PPM1F: variants seen among roughly 807,000 people sequenced by gnomAD.
PPM1F encodes the protein protein phosphatase, Mg2+/Mn2+ dependent 1F.
Under a neutral mutation model 35.5 loss-of-function variants are expected in PPM1F, and 17 were observed. The observed-to-expected ratio is 0.48, with a 90% CI of 0.33 to 0.72. PPM1F has a LOEUF of 0.72. Among genes scored for constraint, PPM1F ranks in the 30% least tolerant of loss-of-function variants. The probability of loss-of-function intolerance (pLI) is 0.02; values close to 1 mark genes in which losing one functional copy is unlikely to be tolerated. For synonymous variants in PPM1F, 241 were observed against 255.5 expected (o/e 0.94, Z 0.54); for missense variants, 521 against 613.0 (o/e 0.85, Z 1.59).
intron 4 of PPM1F, 35 bp downstream of exon 4, chr22:21,933,989 G>T (rs750604787): frequency 1.3e-6 from 2 of 1,515,162 alleles, no homozygotes; most frequent in African/African-American, 1.4e-5. Context: ...CCGGTCCTCC[G>T]AAGCTGTCCC....
Position 21,922,931 on chromosome 22 carries a change from G to T in PPM1F, c.*161C>A. 1 of 909,136 alleles carries T rather than the reference G, an allele frequency of 1.1e-6. No individual in the cohort carries two copies. The highest frequency in any genetic ancestry group is 1.7e-6 in the Non-Finnish European group (1 of 602,286). 56.3% of individuals were successfully genotyped at this position (909,136 alleles called of 1,614,324 possible). A position where few individuals can be genotyped will look rare whatever the true frequency, so the allele number is the denominator to read the frequency against. On this transcript the variant is annotated 3_prime_UTR_variant, in exon 8 of 8. Transcript: ENST00000263212. ...ACCCAGTGCAGTTCCACAGCCACCAGGACGGGCTGCGGGGGGTGTCCCGAC... is the reference window on the plus strand; with the variant it reads ...ACCCAGTGCAGTTCCACAGCCACCATGACGGGCTGCGGGGGGTGTCCCGAC...
intron 3 of PPM1F, chr22:21,935,407 A>T (rs1228080763): frequency 6.6e-6 from 1 of 152,160 alleles, no homozygotes; most frequent in Non-Finnish European, 1.5e-5. Flanking sequence ...CTGGTGATGG[A>T]ACTGCTCTGT....
intron 6 of PPM1F, among the ~76,000 whole-genome samples, chr22:21,927,942 G>GTTTTGTTT (rs2070537227): frequency 1.3e-5 from 1 of 75,144 alleles, no homozygotes; most frequent in African/African-American, 5.5e-5. Context: ...TTTTTGTTTT[G>GTTTTGTTT]TTTTTTTTTT....
In PPM1F at chr22:21,933,474, C is replaced by G. The variant is rs2070618020; in HGVS notation, c.664G>C (p.Glu222Gln). The G allele has an allele frequency of 1.2e-6, 2 of 1,613,674 alleles. No individual in the cohort carries two copies. The highest frequency in any genetic ancestry group is 1.7e-6 in the Non-Finnish European group (2 of 1,180,004). ...HVHTNAARQP[E>Q]LPTDPEGALR... ...GCTCCCTCAGGGTCTGTGGGCAGCTCTGGCTGGCGGGCAGCGTTGGTGTGC... is the reference window on the plus strand; with the variant it reads ...GCTCCCTCAGGGTCTGTGGGCAGCTGTGGCTGGCGGGCAGCGTTGGTGTGC... Residue 222 changes from glutamate to glutamine, a missense_variant, in exon 5 of 8, where the codon GAG becomes CAG. Glu to Gln is a conservative substitution (Grantham distance 29). Around this residue, in one of 3 missense-constraint regions of PPM1F, gnomAD observed 311 missense variants for 351.5 expected, o/e 0.88. Transcript: ENST00000263212.
intron 6 of PPM1F, among the ~76,000 whole-genome samples, chr22:21,926,517 C>T (rs1406133037): frequency 6.6e-6 from 1 of 152,052 alleles, no homozygotes; most frequent in Non-Finnish European, 1.5e-5. Context: ...CTGGGTTCCT[C>T]CAGGGACAGG....
At chr22:21,949,899 G>A (rs535674452) in intron 1 of PPM1F, 106 of 152,408 alleles carry the variant, frequency 7.0e-4, no homozygotes, top group African/African-American at 2.4e-3. Context: ...CAAACTCATC[G>A]GGGGGCAGCT....
chr22:21,927,751 C>T (rs1018315582), intron 6 of PPM1F, among the ~76,000 whole-genome samples: 32 of 152,156 alleles, frequency 2.1e-4, no homozygotes, highest in African/African-American at 7.5e-4. Flanking sequence ...CAGGCTGCGC[C>T]GGCTCCCCGG....
chr22:21,938,607 A>C, intron 3 of PPM1F: 1 of 1,028,478 alleles, frequency 9.7e-7, no homozygotes, highest in Admixed American at 5.2e-5. Context: ...TGGCAAAGGA[A>C]GGGAAAGGAA....
Position 21,921,932 on chromosome 22 carries a change from A to G in PPM1F, c.*1160T>C, listed in dbSNP as rs1203364785. 1.3e-5 allele frequency: 2 copies of G among 152,338 alleles called. No individual in the cohort carries two copies. The highest frequency in any genetic ancestry group is 3.9e-4 in the East Asian group (2 of 5,178). 9.4% of individuals were successfully genotyped at this position (152,338 alleles called of 1,614,324 possible). On this transcript the variant is annotated 3_prime_UTR_variant, in exon 8 of 8. Transcript: ENST00000263212. ...CAGAGCCCCGCTGTCGGGCCCAGGCACCACTACGTGGCAGTCGCAGCTCCT... is the reference window on the plus strand; with the variant it reads ...CAGAGCCCCGCTGTCGGGCCCAGGCGCCACTACGTGGCAGTCGCAGCTCCT...
Position 21,933,437 on chromosome 22 carries a change from G to T in PPM1F, c.701C>A (p.Ala234Asp). 1 of 1,612,992 alleles carries T rather than the reference G, an allele frequency of 6.2e-7. No homozygotes were observed. Among genetic ancestry groups the T allele is most frequent in the Non-Finnish European group, 8.5e-7 (1 of 1,179,918 alleles). The change falls in exon 5 of 8, where the codon GCC (alanine) becomes GAC (aspartate). Residue 234 changes from alanine to aspartate, a missense_variant. Physicochemically the swap from Ala to Asp is moderately radical, Grantham distance 126. This residue lies in a region of PPM1F where 311 missense variants were observed against 351.5 expected (regional missense o/e 0.88). Coordinates refer to ENST00000263212, the MANE Select transcript of PPM1F (RefSeq NM_014634.4). The part of the protein sequence containing the change: ...PTDPEGALRE[A>D]FRRTDQMFLR... ...AAACATCTGGTCGGTGCGCCGGAAGGCTTCTCTGAGGGCTCCCTCAGGGTC... is the reference window on the plus strand; with the variant it reads ...AAACATCTGGTCGGTGCGCCGGAAGTCTTCTCTGAGGGCTCCCTCAGGGTC...
intron 7 of PPM1F, 196 bp downstream of exon 7, chr22:21,925,373 C>T (rs1948333312): frequency 5.4e-6 from 3 of 557,962 alleles, no homozygotes; most frequent in South Asian, 2.4e-5. Context: ...GTGTAACTTA[C>T]ACTCAGACAC....
chr22:21,925,631 C>A lies in PPM1F; in HGVS notation c.923G>T (p.Gly308Val). ...DEKARIEALG[G>V]FVSHMDCWRV... ...CCAGCAGTCCATGTGAGACACAAAG[C>A]CACCCAATGCTTCAATGCGCGCCTT... The change falls in exon 7 of 8, where the codon GGC becomes GTC. Residue 308 changes from glycine to valine, a missense_variant. By Grantham distance (109) the Gly-to-Val change is moderately radical. Coordinates refer to ENST00000263212, the MANE Select transcript of PPM1F (RefSeq NM_014634.4). 1 of 1,602,054 alleles carries A rather than the reference C, an allele frequency of 6.2e-7. No homozygotes were observed. Among genetic ancestry groups the A allele is most frequent in the Admixed American group, 1.7e-5 (1 of 58,976 alleles).
rs745443715 is a variant in PPM1F at position 21,923,342 on chromosome 22, A to G, written c.1115T>C (p.Val372Ala). Residue 372 changes from valine (V) to alanine (A), a missense_variant, in exon 8 of 8, where the codon GTT (valine) becomes GCT (alanine). By Grantham distance (64) the Val-to-Ala change is moderately conservative. Transcript: ENST00000263212. ...FFDVVPHQEVVGLVQSHLTRQ... is the reference protein window; with the variant it reads ...FFDVVPHQEVAGLVQSHLTRQ... The stretch of plus-strand genomic sequence containing the variant: ...GGTCAGGTGGCTCTGGACCAGGCCA[A>G]CAACTTCCTGGTGGGGTACGACGTC... The G allele has an allele frequency of 1.9e-6, 3 of 1,613,760 alleles. No individual in the cohort carries two copies. In the East Asian group the frequency reaches 6.7e-5, roughly 36 times the overall value.
At chr22:21,941,830 G>A (rs892712554) in intron 2 of PPM1F, 6 of 152,494 alleles carry the variant, frequency 3.9e-5, no homozygotes, top group African/African-American at 1.4e-4. Context: ...CTTTTAGCAG[G>A]TAGGCAGGGC....
intron 7 of PPM1F, among the ~76,000 whole-genome samples, chr22:21,924,041 T>C (rs1168035205): frequency 6.6e-6 from 1 of 151,806 alleles, no homozygotes; most frequent in Non-Finnish European, 1.5e-5. Flanking sequence ...CTTCCTGGAG[T>C]GTCCAGAGAC....
In PPM1F at chr22:21,934,157, T is replaced by C; in HGVS notation, c.425A>G (p.Lys142Arg). The part of the protein sequence containing the change: ...RLWEVAGQWQ[K>R]QVPLAARASQ... ...GGCCCGGGCAGCCAATGGCACCTGC[T>C]TCTGCCACTGGCCGGCGACTTCCCA... The change falls in exon 4 of 8, where the codon AAG (lysine) becomes AGG (arginine). Residue 142 changes from lysine (K) to arginine (R), a missense_variant. By Grantham distance (26) the Lys-to-Arg change is conservative (BLOSUM62 2). Coordinates refer to ENST00000263212, the MANE Select transcript of PPM1F (RefSeq NM_014634.4). 1 of 1,578,210 alleles carries C rather than the reference T, an allele frequency of 6.3e-7. No homozygotes were observed.
At chr22:21,947,402 C>T (rs969603669) in intron 1 of PPM1F, 1 of 152,270 alleles carries the variant, frequency 6.6e-6, no homozygotes, top group African/African-American at 2.4e-5. Context: ...TGGGCTTTGT[C>T]TAACACTCAG....
intron 1 of PPM1F, chr22:21,946,614 G>C (rs1216997805): frequency 6.5e-6 from 1 of 153,068 alleles, no homozygotes; most frequent in African/African-American, 2.4e-5. Flanking sequence ...CGGGAGGCCG[G>C]CCCAGGGCTG....
chr22:21,935,069 G>T (rs1186064481), intron 3 of PPM1F: 1 of 152,140 alleles, frequency 6.6e-6, no homozygotes, highest in Non-Finnish European at 1.5e-5. Context: ...AATGTTCATA[G>T]CAGCTTTATC....
Sources: gnomAD v4.1 joint callset for allele counts (sites outside exome capture counted in the v4.1 genomes callset) on GRCh38, gnomAD v4.1.1 for gene constraint, gnomAD v4.1.1 regional missense constraint, MANE v1.5 for transcripts, NCBI Gene and HGNC (gene_info 2026-07-23, HGNC 2026-07-21) for gene names.